Variants in COL21A1 observed in about 807,000 individuals in gnomAD.
COL21A1 encodes the protein collagen type XXI alpha 1 chain.
A neutral mutation model predicts 137.9 loss-of-function variants in COL21A1; 149 were observed. The ratio of observed to expected loss-of-function variants is 1.08; its 90% CI spans 0.95 to 1.24. The LOEUF is 1.24. Among genes scored for constraint, COL21A1 ranks in the 50% most tolerant of loss-of-function variants. The pLI, the probability that COL21A1 is intolerant of heterozygous loss-of-function variation, is 0.00. For synonymous variants in COL21A1, 456 were observed against 391.5 expected (o/e 1.16, Z -1.95); for missense variants, 1,167 against 1,158.4 (o/e 1.01, Z -0.11).
intron 1 of COL21A1, among the ~76,000 whole-genome samples, chr6:56,325,153 A>T (rs571444458): frequency 6.9e-6 from 1 of 145,694 alleles, no homozygotes; most frequent in East Asian, 2.0e-4. Context: ...TGTTGCATAA[A>T]ATTTATCAAA....
intron 1 of COL21A1, among the ~76,000 whole-genome samples, chr6:56,183,691 C>T (rs1350568226): frequency 6.6e-6 from 1 of 152,072 alleles, no homozygotes; most frequent in African/African-American, 2.4e-5. Context: ...AATTTTTATT[C>T]CTGATCAGGA....
chr6:56,281,840 C>G (rs1763792356), intron 1 of COL21A1, among the ~76,000 whole-genome samples: 1 of 152,084 alleles, frequency 6.6e-6, no homozygotes, highest in South Asian at 2.1e-4. Flanking sequence ...AGAGATAAAG[C>G]CTATAATTAA....
intron 1 of COL21A1, among the ~76,000 whole-genome samples, chr6:56,211,052 T>C (rs1047766829): frequency 6.6e-6 from 1 of 151,120 alleles, no homozygotes; most frequent in Admixed American, 6.6e-5. Flanking sequence ...CCTTAAGTAT[T>C]CAACTGGATA....
chr6:56,113,787 C>G (rs188861954), intron 16 of COL21A1, among the ~76,000 whole-genome samples: 31 of 152,300 alleles, frequency 2.0e-4, no homozygotes, highest in Admixed American at 1.6e-3. Context: ...GGACTCGACT[C>G]TTAGACAGCA....
At chr6:56,324,506 C>G (rs7775154) in intron 1 of COL21A1, among the ~76,000 whole-genome samples, 122,002 of 151,764 alleles carry the variant, frequency 0.8, 50,725 homozygotes, top group South Asian at 0.98. Context: ...GCCTAACATC[C>G]CCCTCTGACC....
At chr6:56,148,354 G>GAGAGAGAGAGAGAGAA (rs1723078494) in intron 10 of COL21A1, among the ~76,000 whole-genome samples, 1 of 150,994 alleles carries the variant, frequency 6.6e-6, no homozygotes. Context: ...GAGAGAGAGA[G>GAGAGAGAGAGAGAGAA]AGAGAGAGAG....
chr6:56,102,795 G>A (rs1770570177), intron 16 of COL21A1, among the ~76,000 whole-genome samples: 1 of 152,074 alleles, frequency 6.6e-6, no homozygotes, highest in Admixed American at 6.6e-5. Context: ...GCCAACTAAA[G>A]CCAAATATTT....
chr6:56,064,699 T>C, intron 23 of COL21A1, 77 bp from the exon 24 acceptor site: 1 of 829,196 alleles, frequency 1.2e-6, no homozygotes, highest in South Asian at 2.0e-5. Context: ...AAACTATGTA[T>C]TACCTTGAGT....
intron 12 of COL21A1, among the ~76,000 whole-genome samples, chr6:56,129,693 TGTGTGTGAGA>T (rs1390162711): frequency 8.8e-6 from 1 of 113,774 alleles, no homozygotes; most frequent in African/African-American, 3.5e-5. Flanking sequence ...TGTGTGTGTG[TGTGTGTGAGA>T]GAGAGAGAGA....
intron 1 of COL21A1, among the ~76,000 whole-genome samples, chr6:56,309,558 T>G (rs1315611570): frequency 6.6e-5 from 10 of 152,210 alleles, no homozygotes. Context: ...GATTTTTATA[T>G]TTCTGCCTCT....
At chr6:56,082,688 T>C (rs1767893855) in intron 17 of COL21A1, among the ~76,000 whole-genome samples, 1 of 151,568 alleles carries the variant, frequency 6.6e-6, no homozygotes, top group Non-Finnish European at 1.5e-5. Context: ...ATAATAGAGG[T>C]AATCATACCA....
chr6:56,074,390 T>A, intron 19 of COL21A1, 105 bp from the exon 20 acceptor site: 1 of 697,204 alleles, frequency 1.4e-6, no homozygotes, highest in South Asian at 2.1e-5. Flanking sequence ...CACTAAATTA[T>A]AATACAGATC....
chr6:56,264,403 C>A (rs1236260421), intron 1 of COL21A1, among the ~76,000 whole-genome samples: 1 of 152,188 alleles, frequency 6.6e-6, no homozygotes. Context: ...TTTCCTTCTA[C>A]TTCTATGGTG....
intron 1 of COL21A1, among the ~76,000 whole-genome samples, chr6:56,264,364 C>T (rs1217572002): frequency 1.3e-5 from 2 of 152,194 alleles, no homozygotes; most frequent in African/African-American, 4.8e-5. Context: ...ACTTAAGCAT[C>T]TTGTCCACCT....
At chr6:56,087,021 T>C (rs1768317473) in intron 17 of COL21A1, among the ~76,000 whole-genome samples, 1 of 152,096 alleles carries the variant, frequency 6.6e-6, no homozygotes, top group African/African-American at 2.4e-5. Flanking sequence ...ACCTCTTGAA[T>C]CTCTCCACGA....
intron 1 of COL21A1, among the ~76,000 whole-genome samples, chr6:56,252,904 C>T (rs1196157106): frequency 1.3e-5 from 2 of 152,114 alleles, no homozygotes; most frequent in African/African-American, 4.8e-5. Flanking sequence ...TGACAGGGGC[C>T]ACCTCTATCT....
intron 28 of COL21A1, 69 bp from the exon 29 acceptor site, chr6:56,059,311 C>G (rs1392782372): frequency 1.9e-6 from 2 of 1,057,100 alleles, no homozygotes; most frequent in South Asian, 1.7e-5. Context: ...TCATTCAAAG[C>G]TGTTAATATA....
At chr6:56,261,430 G>C (rs1763272534) in intron 1 of COL21A1, among the ~76,000 whole-genome samples, 1 of 152,268 alleles carries the variant, frequency 6.6e-6, no homozygotes, top group African/African-American at 2.4e-5. Flanking sequence ...AGGGTCTTTG[G>C]GGGGATATTA....
intron 1 of COL21A1, among the ~76,000 whole-genome samples, chr6:56,356,617 C>A (rs1479830165): frequency 1.3e-5 from 2 of 152,322 alleles, no homozygotes; most frequent in East Asian, 3.9e-4. Flanking sequence ...GCTTAAATTC[C>A]TTAGGCAGTT....
Sources: allele counts gnomAD v4.1 joint callset (sites outside exome capture counted in the v4.1 genomes callset), GRCh38; gene constraint gnomAD v4.1.1; transcripts MANE v1.5; gene names NCBI Gene and HGNC (gene_info 2026-07-23, HGNC 2026-07-21).